The following RPS6KA2 variants were observed in gnomAD, a reference collection of about 807,000 sequenced individuals.
The protein encoded by RPS6KA2 is ribosomal protein S6 kinase alpha-2.
In RPS6KA2, 42 loss-of-function variants were observed where a neutral mutation model predicts 91.8. That is an observed-to-expected ratio of 0.46 (90% CI 0.36 to 0.59). RPS6KA2 has a LOEUF of 0.59. RPS6KA2 is among the 20% of genes least tolerant of loss of function. RPS6KA2 has a pLI of 0.00. For missense variants in RPS6KA2, 798 were observed against 978.5 expected (o/e 0.82, Z 2.46); for synonymous variants, 414 against 393.6 (o/e 1.05, Z -0.61).
At chr6:166,755,610 G>A (rs2274552) in intron 2 of RPS6KA2, among the ~76,000 whole-genome samples, 45,420 of 151,922 alleles carry the variant, frequency 0.3, 7,456 homozygotes, top group East Asian at 0.58. Context: ...CTTTCGACAC[G>A]CACCATGGCT....
rs529707270 is a variant in RPS6KA2 at position 166,553,758 on chromosome 6, A to G, written c.100-14974T>C. On this transcript the variant is annotated intron_variant, in intron 1 of 20. Coordinates refer to ENST00000265678, the MANE Select transcript of RPS6KA2 (RefSeq NM_021135.6). The stretch of plus-strand genomic sequence containing the variant: ...GGCACTGCTTTAAACAGACTTGGCT[A>G]ATTTCTGCACCCATTACAAGCTGAT... 4.5e-3 allele frequency among the ~76,000 whole-genome samples: 687 copies of G among 152,264 alleles called. 5 individuals carry two copies. Among genetic ancestry groups the G allele is most frequent in the Middle Eastern group, 0.014 (4 of 294 alleles).
chr6:166,768,788 G>A (rs549821541), intron 2 of RPS6KA2, among the ~76,000 whole-genome samples: 10 of 152,164 alleles, frequency 6.6e-5, no homozygotes, highest in Admixed American at 1.3e-4. Context: ...CTGAACCTAC[G>A]GGGTTCCCGC....
At chr6:166,607,105 G>A (rs559746029) in intron 1 of RPS6KA2, among the ~76,000 whole-genome samples, 73 of 143,144 alleles carry the variant, frequency 5.1e-4, no homozygotes, top group African/African-American at 1.8e-3. Context: ...TTGTGCCATT[G>A]CACTCCAGCC....
chr6:166,441,194 T>C (rs1197123116), intron 14 of RPS6KA2, among the ~76,000 whole-genome samples: 1 of 152,222 alleles, frequency 6.6e-6, no homozygotes, highest in Non-Finnish European at 1.5e-5. Flanking sequence ...TTCTATTTTA[T>C]TTAACTGCTC....
rs144631382 is a variant in RPS6KA2 at position 166,638,447 on chromosome 6, A to G, written c.124-99663T>C. ...TGACCAAGCAGATAAAAAAATGAAC[A>G]ACGTCGCTCTTGAAATGGAAAGACA... On this transcript the variant is annotated intron_variant, in intron 2 of 21. Coordinates refer to the RPS6KA2 transcript ENST00000503859. Among the ~76,000 whole-genome samples, 19 of 152,272 alleles carry G rather than the reference A, an allele frequency of 1.2e-4. No homozygotes were observed. In the East Asian group the frequency reaches 3.7e-3, roughly 29 times the overall value.
Position 166,627,192 on chromosome 6 carries a change from G to GCCAC in RPS6KA2, c.-177_-174dup. The GCCAC allele has an allele frequency of 1.9e-6, 2 of 1,046,958 alleles. No individual in the cohort carries two copies. The highest frequency in any genetic ancestry group is 2.3e-6 in the Non-Finnish European group (2 of 871,290). 64.9% of individuals were successfully genotyped at this position (1,046,958 alleles called of 1,614,324 possible). ...CGGTCACAAAGGGCAGGCCGCGCCG[G>GCCAC]CCACCGCGGCCGGGGCCACAATCGC... On this transcript the variant is annotated 5_prime_UTR_variant, in exon 1 of 21. Coordinates refer to ENST00000265678, the MANE Select transcript of RPS6KA2 (RefSeq NM_021135.6).
At chr6:166,456,504 G>T (rs986687503) in intron 12 of RPS6KA2, among the ~76,000 whole-genome samples, 1 of 152,156 alleles carries the variant, frequency 6.6e-6, no homozygotes, top group African/African-American at 2.4e-5. Context: ...TTGGCATCTC[G>T]GGCTAAGCAG....
chr6:166,683,739 G>A (rs916021091), intron 2 of RPS6KA2, among the ~76,000 whole-genome samples: 2 of 152,198 alleles, frequency 1.3e-5, no homozygotes, highest in African/African-American at 4.8e-5. Flanking sequence ...GGAGCTTTTC[G>A]CATCCAGGGC....
rs565104062 is a variant in RPS6KA2 at position 166,664,102 on chromosome 6, G to A, written c.124-125318C>T. On this transcript the variant is annotated intron_variant, in intron 2 of 21. Transcript: ENST00000503859. ...GCGTTAATAACTTATGTGTCCATCT[G>A]CACATTGCACATAGGATAGGCCATT... 1.2e-4 allele frequency among the ~76,000 whole-genome samples: 19 copies of A among 152,332 alleles called. No homozygotes were observed. In the East Asian group the frequency reaches 2.1e-3, roughly 17 times the overall value.
chr6:166,716,973 G>C (rs1378418221), intron 2 of RPS6KA2, among the ~76,000 whole-genome samples: 1 of 152,260 alleles, frequency 6.6e-6, no homozygotes, highest in South Asian at 2.1e-4. Context: ...ATGAGGAAGA[G>C]AACAAGGACC....
At chr6:166,538,243 T>G (rs1017825484) in intron 2 of RPS6KA2, among the ~76,000 whole-genome samples, 3 of 152,210 alleles carry the variant, frequency 2.0e-5, no homozygotes, top group Non-Finnish European at 2.9e-5. Flanking sequence ...CCTTCCTGGC[T>G]CCTGTGCCCA....
At chr6:166,600,030 C>G (rs1325787344) in intron 1 of RPS6KA2, among the ~76,000 whole-genome samples, 1 of 152,006 alleles carries the variant, frequency 6.6e-6, no homozygotes, top group East Asian at 1.9e-4. Context: ...TGTTTTGAGA[C>G]AGAGTCTTGC....
At chr6:166,607,502 C>T (rs1046502868) in intron 1 of RPS6KA2, among the ~76,000 whole-genome samples, 4 of 152,120 alleles carry the variant, frequency 2.6e-5, no homozygotes, top group African/African-American at 9.7e-5. Context: ...ATACATGAGG[C>T]TAAGTGAAAG....
At chr6:166,647,946 ACACATG>A (rs1017371275) in intron 2 of RPS6KA2, among the ~76,000 whole-genome samples, 1 of 148,640 alleles carries the variant, frequency 6.7e-6, no homozygotes, top group African/African-American at 2.5e-5. Flanking sequence ...GCTCATACAC[ACACATG>A]CACATGCTTA....
intron 5 of RPS6KA2, 45 bp from the exon 6 acceptor site, chr6:166,504,657 G>A: frequency 7.4e-7 from 1 of 1,359,064 alleles, no homozygotes; most frequent in Non-Finnish European, 1.0e-6. Context: ...CGTTTAACTT[G>A]TTTTATGGCT....
chr6:166,703,792 T>G (rs537511010), intron 2 of RPS6KA2, among the ~76,000 whole-genome samples: 1 of 152,340 alleles, frequency 6.6e-6, no homozygotes, highest in African/African-American at 2.4e-5. Context: ...CAATGTCCTT[T>G]CTGCAATTCA....
At chr6:166,576,031 T>C (rs539750359) in intron 1 of RPS6KA2, among the ~76,000 whole-genome samples, 6 of 152,324 alleles carry the variant, frequency 3.9e-5, no homozygotes, top group African/African-American at 1.4e-4. Flanking sequence ...CCCCTTGCTA[T>C]TCTCGTGATA....
At chr6:166,862,354 G>A in exon 1 of RPS6KA2, 1 of 1,435,006 alleles carries the variant, frequency 7.0e-7, no homozygotes. Flanking sequence ...CGCGGGGCCT[G>A]CGCCGGCCGG....
intron 2 of RPS6KA2, among the ~76,000 whole-genome samples, chr6:166,811,170 T>C (rs1190644958): frequency 6.6e-6 from 1 of 152,228 alleles, no homozygotes; most frequent in African/African-American, 2.4e-5. Context: ...ATTGATCTTA[T>C]TGATCATATT....
Sources: gnomAD v4.1 joint callset for allele counts (sites outside exome capture counted in the v4.1 genomes callset) on GRCh38, gnomAD v4.1.1 for gene constraint, MANE v1.5 for transcripts, NCBI Gene and HGNC (gene_info 2026-07-23, HGNC 2026-07-21) for gene names.